Variants in UPF2 observed in about 807,000 individuals in gnomAD.
UPF2 encodes the protein regulator of nonsense transcripts 2.
Under a neutral mutation model 141.4 loss-of-function variants are expected in UPF2, and 17 were observed. The observed-to-expected ratio is 0.12, with a 90% confidence interval of 0.08 to 0.18. The LOEUF is 0.18. Ranked by LOEUF, UPF2 falls within the 10% of genes least tolerant of loss-of-function variation. The pLI is 1.00. For synonymous variants in UPF2, 540 were observed against 498.0 expected (o/e 1.08, Z -1.12); for missense variants, 1,152 against 1,515.9 (o/e 0.76, Z 3.99).
At chr10:12,036,428 T>C (rs1468602589) in intron 1 of UPF2, among the ~76,000 whole-genome samples, 2 of 152,214 alleles carry the variant, frequency 1.3e-5, no homozygotes, top group Non-Finnish European at 2.9e-5. Flanking sequence ...AATTTGAAAT[T>C]CAGTTCTTCA....
At chr10:11,943,022 T>C in intron 17 of UPF2, 42 bp downstream of exon 17, 1 of 1,413,896 alleles carries the variant, frequency 7.1e-7, no homozygotes, top group Non-Finnish European at 9.9e-7. Context: ...ACTATAAAAA[T>C]GCTGCACAAT....
chr10:11,947,108 A>C (rs557500595), intron 16 of UPF2, among the ~76,000 whole-genome samples: 1 of 152,318 alleles, frequency 6.6e-6, no homozygotes, highest in South Asian at 2.1e-4. Context: ...AAGCTGAGGC[A>C]CAAGAATCAC....
chr10:11,986,223 A>C (rs141687077), intron 8 of UPF2, among the ~76,000 whole-genome samples: 4 of 152,130 alleles, frequency 2.6e-5, no homozygotes, highest in African/African-American at 7.2e-5. Context: ...TAATCTCATA[A>C]GATGGCGAAA....
At chr10:11,943,960 C>G (rs188529725) in intron 16 of UPF2, among the ~76,000 whole-genome samples, 3 of 150,820 alleles carry the variant, frequency 2.0e-5, no homozygotes, top group Non-Finnish European at 3.0e-5. Flanking sequence ...CCCCAGTATC[C>G]CAAGTCACCC....
intron 4 of UPF2, among the ~76,000 whole-genome samples, chr10:12,005,626 T>C (rs992306670): frequency 6.6e-6 from 1 of 152,192 alleles, no homozygotes; most frequent in African/African-American, 2.4e-5. Flanking sequence ...TGGAGTACAA[T>C]GGCGCAACAT....
intron 6 of UPF2, 122 bp from the exon 7 acceptor site, chr10:12,000,131 T>C: frequency 2.7e-6 from 2 of 747,598 alleles, no homozygotes; most frequent in Non-Finnish European, 2.2e-6. Context: ...AGGAAAACAT[T>C]AGTCATTTTT....
At chr10:11,975,490 C>T (rs1833491429) in intron 9 of UPF2, among the ~76,000 whole-genome samples, 2 of 152,150 alleles carry the variant, frequency 1.3e-5, no homozygotes, top group South Asian at 2.1e-4. Context: ...GAAAAAAGCA[C>T]TTTCTGATAT....
chr10:11,992,680 CTAAAT>C lies in UPF2; in HGVS notation c.1844+4987_1844+4991del, dbSNP rs1280202095. On this transcript the variant is annotated intron_variant, in intron 8 of 21. Transcript: ENST00000357604. This position sits in a 1 kb window ranked among gnomAD's most constrained non-coding sequence, Gnocchi z 4.1. The stretch of plus-strand genomic sequence containing the variant: ...AGAACTCAAGCCAATCATAAATAGC[CTAAAT>C]TACTTTCATTAAAAGAAACATACTT... Among the ~76,000 whole-genome samples, 19 of 151,944 alleles carry C rather than the reference CTAAAT, an allele frequency of 1.3e-4. No individual in the cohort carries two copies. Among genetic ancestry groups the C allele is most frequent in the African/African-American group, 4.6e-4 (19 of 41,376 alleles).
rs980408132 is a variant in UPF2 at position 11,998,718 on chromosome 10, G to T, written c.1759-961C>A. 5.9e-5 allele frequency among the ~76,000 whole-genome samples: 9 copies of T among 152,072 alleles called. No individual in the cohort carries two copies. Among genetic ancestry groups the T allele is most frequent in the Non-Finnish European group, 2.9e-5 (2 of 68,000 alleles). ...AAATATAAAAAATTAGCCGGGCATGGTGGCGGGCACCTGTAGTCCCAGCTA... is the reference window on the plus strand; with the variant it reads ...AAATATAAAAAATTAGCCGGGCATGTTGGCGGGCACCTGTAGTCCCAGCTA... On this transcript the variant is annotated intron_variant, in intron 7 of 21. Coordinates refer to ENST00000357604, the MANE Select transcript of UPF2 (RefSeq NM_015542.4). This position sits in a 1 kb window ranked among gnomAD's most constrained non-coding sequence, Gnocchi z 4.5.
chr10:11,921,596 G>A lies in UPF2; in HGVS notation c.3810-289C>T. Among the ~76,000 whole-genome samples, 1 of 152,242 alleles carries A rather than the reference G, an allele frequency of 6.6e-6. No individual in the cohort carries two copies. Among genetic ancestry groups the A allele is most frequent in the East Asian group, 1.9e-4 (1 of 5,202 alleles). ...TGTAGAGATGATGTAAAGTACACGG[G>A]AGGATGTGCATATGTTATACATAAA... On this transcript the variant is annotated intron_variant, in intron 21 of 21. Coordinates refer to ENST00000357604, the MANE Select transcript of UPF2 (RefSeq NM_015542.4). The surrounding 1 kb of genome is among the most constrained non-coding windows in gnomAD (Gnocchi z 5.9).
chr10:11,942,360 G>A (rs1005111044), intron 18 of UPF2, among the ~76,000 whole-genome samples: 1 of 151,946 alleles, frequency 6.6e-6, no homozygotes, highest in Non-Finnish European at 1.5e-5. Flanking sequence ...GCAACAGAGT[G>A]AGACTCTGTC....
chr10:11,985,884 C>CTTTTTTTTTTTTTTTTTTTTTTTTT (rs746117868), intron 8 of UPF2, among the ~76,000 whole-genome samples: 2 of 100,752 alleles, frequency 2.0e-5, no homozygotes, highest in African/African-American at 4.2e-5. Flanking sequence ...TAGATCCTTC[C>CTTTTTTTTTTTTTTTTTTTTTTTTT]TTTTTTTTTT....
chr10:12,006,849 T>A (rs1834042596), intron 4 of UPF2, among the ~76,000 whole-genome samples: 1 of 152,200 alleles, frequency 6.6e-6, no homozygotes. Context: ...CTGATGCTAA[T>A]GAGGTGACTT....
intron 9 of UPF2, among the ~76,000 whole-genome samples, chr10:11,968,166 C>T (rs1226489886): frequency 2.0e-5 from 3 of 151,642 alleles, no homozygotes; most frequent in Non-Finnish European, 4.4e-5. Flanking sequence ...GTGACAAGAG[C>T]AAGACTCCAT....
In UPF2 at chr10:11,946,590, A is replaced by G. The variant is rs375228671; in HGVS notation, c.3174+1779T>C. Among the ~76,000 whole-genome samples, 7 of 152,206 alleles carry G rather than the reference A, an allele frequency of 4.6e-5. No individual in the cohort carries two copies. The East Asian group carries it at 1.3e-3, about 29-fold the overall frequency. On this transcript the variant is annotated intron_variant, in intron 16 of 21. Transcript: ENST00000357604. ...CTTCCAGTGAAAAACTGCTAATTTC[A>G]TGACTTAAATTTTAATTTCATCAGT...
At chr10:12,009,474 C>G (rs1489718755) in intron 4 of UPF2, among the ~76,000 whole-genome samples, 1 of 152,146 alleles carries the variant, frequency 6.6e-6, no homozygotes. Context: ...CAATGTAAGC[C>G]TCTTCTGCAC....
At chr10:12,021,169 T>C (rs1834310865) in intron 3 of UPF2, among the ~76,000 whole-genome samples, 1 of 152,218 alleles carries the variant, frequency 6.6e-6, no homozygotes, top group East Asian at 1.9e-4. Flanking sequence ...GCAAGCCCTT[T>C]AATCCCTTTG....
At chr10:11,973,489 G>A (rs1385593798) in intron 9 of UPF2, among the ~76,000 whole-genome samples, 1 of 152,162 alleles carries the variant, frequency 6.6e-6, no homozygotes, top group Non-Finnish European at 1.5e-5. Flanking sequence ...TACTGTCTAG[G>A]TTTTCTTCTA....
chr10:12,030,621 C>T (rs966103309), intron 2 of UPF2, among the ~76,000 whole-genome samples: 4 of 151,820 alleles, frequency 2.6e-5, no homozygotes, highest in Admixed American at 1.3e-4. Context: ...CAGTGGCTCA[C>T]GCCTGTAATC....
Sources: allele counts gnomAD v4.1 joint callset (sites outside exome capture counted in the v4.1 genomes callset), GRCh38; gene constraint gnomAD v4.1.1; non-coding constraint Gnocchi (gnomAD v3.1); transcripts MANE v1.5; gene names NCBI Gene and HGNC (gene_info 2026-07-23, HGNC 2026-07-21).